RNGTT: variants seen among roughly 807,000 people sequenced by gnomAD.
The protein encoded by RNGTT is mRNA-capping enzyme.
A neutral mutation model predicts 79.3 loss-of-function variants in RNGTT; 33 were observed. That is an observed-to-expected ratio of 0.42 (90% confidence interval 0.32 to 0.56). RNGTT has a LOEUF of 0.56. Ranked by LOEUF, RNGTT falls within the 20% of genes least tolerant of loss-of-function variation. The pLI, the probability that RNGTT is intolerant of heterozygous loss-of-function variation, is 0.17. For missense variants in RNGTT, 497 were observed against 739.1 expected (o/e 0.67, Z 3.80); for synonymous variants, 222 against 235.9 (o/e 0.94, Z 0.54).
At chr6:88,905,620 G>A (rs1307784341) in intron 5 of RNGTT, among the ~76,000 whole-genome samples, 1 of 152,076 alleles carries the variant, frequency 6.6e-6, no homozygotes. Flanking sequence ...TAAGAATATT[G>A]GGTACTAAAG....
chr6:88,618,902 T>C (rs1772338387), intron 14 of RNGTT, among the ~76,000 whole-genome samples: 1 of 152,242 alleles, frequency 6.6e-6, no homozygotes, highest in Non-Finnish European at 1.5e-5. Flanking sequence ...TTTTTCTGTA[T>C]CCTCCATTCC....
chr6:88,825,831 A>G (rs1472998872), intron 11 of RNGTT, among the ~76,000 whole-genome samples: 1 of 152,202 alleles, frequency 6.6e-6, no homozygotes, highest in Non-Finnish European at 1.5e-5. Context: ...CCTTATGTTC[A>G]TATAAATTGT....
At chr6:88,878,393 A>C (rs1482017956) in intron 8 of RNGTT, among the ~76,000 whole-genome samples, 4 of 152,058 alleles carry the variant, frequency 2.6e-5, no homozygotes, top group Non-Finnish European at 5.9e-5. Context: ...CACCACGCCC[A>C]GCCAAAACCT....
At chr6:88,759,728 GT>G (rs1778144815) in intron 13 of RNGTT, among the ~76,000 whole-genome samples, 1 of 152,004 alleles carries the variant, frequency 6.6e-6, no homozygotes, top group Non-Finnish European at 1.5e-5. Context: ...GTAGTTTGGC[GT>G]TTCACAACCA....
chr6:88,637,444 C>T (rs138752403), intron 14 of RNGTT, among the ~76,000 whole-genome samples: 2 of 152,044 alleles, frequency 1.3e-5, no homozygotes, highest in East Asian at 3.9e-4. Context: ...TGAACTAAAA[C>T]CAAAGTAAAA....
chr6:88,661,282 AC>A (rs1316680290), intron 14 of RNGTT, among the ~76,000 whole-genome samples: 1 of 152,068 alleles, frequency 6.6e-6, no homozygotes, highest in Non-Finnish European at 1.5e-5. Flanking sequence ...AACAAACCAA[AC>A]CCAAACCCTG....
At chr6:88,642,595 G>A (rs1222824655) in intron 14 of RNGTT, among the ~76,000 whole-genome samples, 1 of 152,096 alleles carries the variant, frequency 6.6e-6, no homozygotes. Flanking sequence ...ATTTATACAA[G>A]AACAGTGTCA....
rs767101149 is a variant in RNGTT at position 88,614,329 on chromosome 6, C to T, written c.1573G>A (p.Val525Ile). 14 of 1,613,464 alleles carry T rather than the reference C, an allele frequency of 8.7e-6. No homozygotes were observed. The South Asian group carries it at 1.4e-4, about 16-fold the overall frequency. ...TTGTCTGTTCTCTGTCTCATGAAGACCCAGCTGTTGTTCTCAAATTTGCAT... is the reference window on the plus strand; with the variant it reads ...TTGTCTGTTCTCTGTCTCATGAAGATCCAGCTGTTGTTCTCAAATTTGCAT... ...IECKFENNSW[V>I]FMRQRTDKSF... is the part of the protein sequence containing the mutation. Residue 525 changes from valine to isoleucine, a missense_variant, in exon 15 of 16, where the codon GTC (valine) becomes ATC (isoleucine). Around this residue, in one of 3 missense-constraint regions of RNGTT, gnomAD observed 440 missense variants for 671.5 expected, o/e 0.66. Coordinates refer to ENST00000369485, the MANE Select transcript of RNGTT (RefSeq NM_003800.5).
intron 7 of RNGTT, 137 bp from the exon 8 acceptor site, chr6:88,890,733 T>A (rs1030306689): frequency 2.1e-5 from 11 of 512,476 alleles, no homozygotes; most frequent in African/African-American, 2.0e-4. Flanking sequence ...TGGAATAACA[T>A]CCGCTTTCAC....
intron 12 of RNGTT, among the ~76,000 whole-genome samples, chr6:88,798,299 T>G (rs1426699186): frequency 6.7e-6 from 1 of 150,278 alleles, no homozygotes; most frequent in African/African-American, 2.4e-5. Flanking sequence ...ACCCCGTATC[T>G]ACGAAAAATA....
At chr6:88,656,964 G>A (rs546217061) in intron 14 of RNGTT, among the ~76,000 whole-genome samples, 3 of 152,138 alleles carry the variant, frequency 2.0e-5, no homozygotes, top group African/African-American at 7.2e-5. Context: ...GTGGCAACAT[G>A]CCTGTAATCC....
intron 12 of RNGTT, among the ~76,000 whole-genome samples, chr6:88,783,628 C>G (rs556170197): frequency 4.7e-4 from 71 of 152,046 alleles, no homozygotes; most frequent in Non-Finnish European, 8.1e-4. Flanking sequence ...TTCAAAAGCC[C>G]TATACATTTA....
rs1365819511 is a variant in RNGTT, at chr6:88,722,503, G to A, written c.1440-44084C>T. Among the ~76,000 whole-genome samples, 7 of 152,278 alleles carry A rather than the reference G, an allele frequency of 4.6e-5. No individual in the cohort carries two copies. In the East Asian group the frequency reaches 7.7e-4, roughly 17 times the overall value. Reference sequence around the variant, plus strand: ...ATAGCCAAGAACAGCACAGATCAGCGTATCTTGAACAAAAGCTGCTGGAGT... The same window carrying A: ...ATAGCCAAGAACAGCACAGATCAGCATATCTTGAACAAAAGCTGCTGGAGT... On this transcript the variant is annotated intron_variant, in intron 13 of 15. Transcript: ENST00000369485.
At chr6:88,839,014 T>C (rs1042185603) in intron 11 of RNGTT, among the ~76,000 whole-genome samples, 2 of 151,510 alleles carry the variant, frequency 1.3e-5, no homozygotes, top group African/African-American at 2.4e-5. Context: ...GAGAAAAGGA[T>C]AGTCTCTTCA....
intron 8 of RNGTT, among the ~76,000 whole-genome samples, chr6:88,859,663 G>A (rs890967871): frequency 6.6e-6 from 1 of 152,202 alleles, no homozygotes; most frequent in South Asian, 2.1e-4. Context: ...ATCTACCTAG[G>A]ATGCCTTGCC....
At chr6:88,901,495 C>CTTTTTTTTTTTTTTTTTTTTTTTTTTTTT in intron 6 of RNGTT, among the ~76,000 whole-genome samples, 2 of 65,810 alleles carry the variant, frequency 3.0e-5, no homozygotes, top group Non-Finnish European at 5.5e-5. Flanking sequence ...GCACCCTGAT[C>CTTTTTTTTTTTTTTTTTTTTTTTTTTTTT]TTTTTTTTTT....
At chr6:88,677,201 T>C (rs1774907629) in intron 14 of RNGTT, among the ~76,000 whole-genome samples, 1 of 150,986 alleles carries the variant, frequency 6.6e-6, no homozygotes, top group Non-Finnish European at 1.5e-5. Flanking sequence ...ATATACACTA[T>C]ATGATTTCAC....
At chr6:88,802,713 AG>A (rs1779831011) in intron 11 of RNGTT, among the ~76,000 whole-genome samples, 1 of 152,208 alleles carries the variant, frequency 6.6e-6, no homozygotes, top group Admixed American at 6.5e-5. Context: ...ACATGGCAGC[AG>A]GCAAGAGAAT....
At chr6:88,797,418 G>A (rs900488039) in intron 12 of RNGTT, among the ~76,000 whole-genome samples, 2 of 152,176 alleles carry the variant, frequency 1.3e-5, no homozygotes, top group Admixed American at 6.5e-5. Context: ...AAAAAAGTAG[G>A]GAAATCTATC....
Sources: allele counts gnomAD v4.1 joint callset (sites outside exome capture counted in the v4.1 genomes callset), GRCh38; gene constraint gnomAD v4.1.1; regional missense constraint gnomAD v4.1.1; transcripts MANE v1.5; gene names NCBI Gene and HGNC (gene_info 2026-07-23, HGNC 2026-07-21).